CDH13: variants seen among roughly 807,000 people sequenced by gnomAD.
The protein encoded by CDH13 is cadherin 13.
CDH13 carries 24 observed loss-of-function variants against 63.8 expected under a neutral mutation model. The ratio of observed to expected loss-of-function variants is 0.38; its 90% CI spans 0.27 to 0.53. The LOEUF is 0.53. Ranked by LOEUF, CDH13 falls within the 20% of genes least tolerant of loss-of-function variation. The pLI, the probability that CDH13 is intolerant of heterozygous loss-of-function variation, is 0.85. For missense variants in CDH13, 1,049 were observed against 903.1 expected (o/e 1.16, Z -2.07); for synonymous variants, 503 against 355.3 (o/e 1.42, Z -4.67).
chr16:83,260,921 TG>T (rs1013263084), intron 5 of CDH13, among the ~76,000 whole-genome samples: 85 of 152,036 alleles, frequency 5.6e-4, no homozygotes, highest in Non-Finnish European at 1.1e-3. Flanking sequence ...CACCAGGTCT[TG>T]GGGGGCGGCC....
chr16:82,696,505 C>T (rs2030306916), intron 1 of CDH13, among the ~76,000 whole-genome samples: 1 of 152,308 alleles, frequency 6.6e-6, no homozygotes, highest in East Asian at 1.9e-4. Flanking sequence ...TTAAGTTCTG[C>T]ACCTTTGGTT....
At chr16:82,639,315 G>A (rs12444222) in intron 1 of CDH13, 567,686 of 1,381,176 alleles carry the variant, frequency 0.41, 120,300 homozygotes, top group East Asian at 0.67. Flanking sequence ...GGGTCAGCCC[G>A]GGGTCATTTG....
At chr16:83,045,912 G>T (rs1189787581) in intron 3 of CDH13, among the ~76,000 whole-genome samples, 4 of 152,182 alleles carry the variant, frequency 2.6e-5, no homozygotes, top group African/African-American at 9.6e-5. Context: ...TAGCCTATTT[G>T]GCCCTAGCCA....
chr16:83,176,647 A>C (rs956639286), intron 4 of CDH13, among the ~76,000 whole-genome samples: 2 of 152,162 alleles, frequency 1.3e-5, no homozygotes, highest in African/African-American at 4.8e-5. Context: ...CTTTGTGCAC[A>C]TTCCTAATAA....
chr16:83,748,197 C>T lies in CDH13; in HGVS notation c.1628C>T (p.Ser543Phe). The T allele has an allele frequency of 6.2e-7, 1 of 1,613,832 alleles. No individual in the cohort carries two copies. The highest frequency in any genetic ancestry group is 8.5e-7 in the Non-Finnish European group (1 of 1,179,738). ...VDTTAVLDRE[S>F]PFVDNSVYTA... ...ACCACAGCTGTGCTGGACCGTGAGT[C>T]CCCATTTGTCGACAACAGCGTGTAC... is the stretch of plus-strand genomic sequence containing the variant. The change falls in exon 11 of 14, where the codon TCC becomes TTC. Residue 543 changes from serine (S) to phenylalanine (F), a missense_variant. Ser to Phe is a radical substitution (Grantham distance 155, BLOSUM62 -2). Coordinates refer to ENST00000567109, the MANE Select transcript of CDH13 (RefSeq NM_001257.5).
intron 6 of CDH13, among the ~76,000 whole-genome samples, chr16:83,399,710 G>A (rs1293745048): frequency 1.3e-5 from 2 of 152,134 alleles, no homozygotes; most frequent in African/African-American, 4.8e-5. Flanking sequence ...CTGCTTGAAA[G>A]CCACCATGTT....
intron 2 of CDH13, among the ~76,000 whole-genome samples, chr16:82,897,589 T>A (rs2041311793): frequency 6.6e-6 from 1 of 152,242 alleles, no homozygotes; most frequent in Non-Finnish European, 1.5e-5. Context: ...AGATAGGTTA[T>A]GCAACTTACT....
In CDH13 at chr16:82,836,705, T is replaced by C. The variant is rs539690235; in HGVS notation, c.46-21657T>C. 2.0e-5 allele frequency among the ~76,000 whole-genome samples: 3 copies of C among 152,310 alleles called. No individual in the cohort carries two copies. The East Asian group carries it at 5.8e-4, about 29-fold the overall frequency. ...CGATGATGAGCCTGCTGATGCCGAC[T>C]TCCTGCATTCTGTGGTACACCTGGG... is the stretch of plus-strand genomic sequence containing the variant. On this transcript the variant is annotated intron_variant, in intron 1 of 13. Coordinates refer to ENST00000567109, the MANE Select transcript of CDH13 (RefSeq NM_001257.5).
intron 6 of CDH13, 58 bp downstream of exon 6, chr16:83,345,064 T>C: frequency 6.3e-7 from 1 of 1,578,842 alleles, no homozygotes; most frequent in Non-Finnish European, 8.7e-7. Context: ...CACTTTGATC[T>C]TTGTGGATTC....
intron 2 of CDH13, among the ~76,000 whole-genome samples, chr16:82,985,196 T>G (rs1017743822): frequency 6.6e-6 from 1 of 152,230 alleles, no homozygotes; most frequent in African/African-American, 2.4e-5. Context: ...TTCTTCAGGA[T>G]GCACAGGTGT....
chr16:83,107,216 C>G (rs573702452), intron 3 of CDH13, among the ~76,000 whole-genome samples: 2 of 152,076 alleles, frequency 1.3e-5, no homozygotes, highest in Non-Finnish European at 1.5e-5. Context: ...GTTGGCCAGG[C>G]AGGTAGCTAA....
chr16:83,483,640 G>C (rs561162795), intron 6 of CDH13, among the ~76,000 whole-genome samples: 1 of 152,238 alleles, frequency 6.6e-6, no homozygotes, highest in East Asian at 1.9e-4. Flanking sequence ...TGGGTCAAGT[G>C]TACTTAACTG....
rs114205894 is a variant in CDH13, at chr16:83,134,740, A to G, written c.483+9239A>G. On this transcript the variant is annotated intron_variant, in intron 4 of 13. Transcript: ENST00000567109. Reference sequence around the variant, plus strand: ...ATTTTTGCTAAGTCTAATAAAAGCTATGTTCACCATTCGCAAGTGTTGCCC... The same window carrying G: ...ATTTTTGCTAAGTCTAATAAAAGCTGTGTTCACCATTCGCAAGTGTTGCCC... 5.6e-3 allele frequency among the ~76,000 whole-genome samples: 857 copies of G among 152,338 alleles called. 8 individuals carry two copies. The highest frequency in any genetic ancestry group is 0.02 in the African/African-American group (827 of 41,582).
rs192794447 is a variant in CDH13 at position 83,360,493 on chromosome 16, A to G, written c.781+15487A>G. Among the ~76,000 whole-genome samples, 7 of 151,520 alleles carry G rather than the reference A, an allele frequency of 4.6e-5. No individual in the cohort carries two copies. In the East Asian group the frequency reaches 1.2e-3, roughly 25 times the overall value. On this transcript the variant is annotated intron_variant, in intron 6 of 13. Transcript: ENST00000567109. ...AACCTTTTTTTTTTTGGATTTGGGC[A>G]TACACATGCAGGCTTATTGTATGGA...
At chr16:83,362,423 G>C (rs759805393) in intron 6 of CDH13, among the ~76,000 whole-genome samples, 1 of 152,184 alleles carries the variant, frequency 6.6e-6, no homozygotes, top group Non-Finnish European at 1.5e-5. Flanking sequence ...GACACCTTTT[G>C]TCTTTATCTC....
At chr16:83,269,633 G>A (rs1466194013) in intron 5 of CDH13, among the ~76,000 whole-genome samples, 1 of 152,196 alleles carries the variant, frequency 6.6e-6, no homozygotes, top group Non-Finnish European at 1.5e-5. Flanking sequence ...CTTAGTGGGA[G>A]GTGGTAGTTG....
At chr16:82,971,372 C>T (rs530174476) in intron 2 of CDH13, among the ~76,000 whole-genome samples, 2 of 152,310 alleles carry the variant, frequency 1.3e-5, no homozygotes, top group African/African-American at 4.8e-5. Flanking sequence ...CACATCAACC[C>T]CGCACACTTG....
intron 2 of CDH13, among the ~76,000 whole-genome samples, chr16:82,960,106 C>A (rs1488420010): frequency 6.6e-6 from 1 of 152,004 alleles, no homozygotes; most frequent in Non-Finnish European, 1.5e-5. Context: ...TCAAGAATGC[C>A]AGTAGGGAGG....
chr16:83,703,210 A>G (rs149964399), intron 10 of CDH13, among the ~76,000 whole-genome samples: 4 of 152,346 alleles, frequency 2.6e-5, no homozygotes, highest in African/African-American at 7.2e-5. Context: ...TGCAGTATGT[A>G]TTAACTTTTT....
Sources: allele counts gnomAD v4.1 joint callset (sites outside exome capture counted in the v4.1 genomes callset), GRCh38; gene constraint gnomAD v4.1.1; transcripts MANE v1.5; gene names NCBI Gene and HGNC (gene_info 2026-07-23, HGNC 2026-07-21).